The following SGMS2 variants were observed in gnomAD, a reference collection of about 807,000 sequenced individuals.
The protein encoded by SGMS2 is sphingomyelin synthase 2.
A neutral mutation model predicts 43.8 loss-of-function variants in SGMS2; 21 were observed. The observed-to-expected ratio is 0.48, with a 90% confidence interval of 0.34 to 0.69. The LOEUF is 0.69. SGMS2 is among the 30% of genes least tolerant of loss of function. The pLI, the probability that SGMS2 is intolerant of heterozygous loss-of-function variation, is 0.01. For missense variants in SGMS2, 384 were observed against 443.2 expected, an observed-to-expected ratio of 0.87 and a Z score of 1.20; for synonymous variants, 167 against 160.6, an observed-to-expected ratio of 1.04 and a Z score of -0.30.
chr4:107,850,364 T>C (rs1398074777), intron 1 of SGMS2, among the ~76,000 whole-genome samples: 1 of 152,242 alleles, frequency 6.6e-6, no homozygotes, highest in African/African-American at 2.4e-5. Flanking sequence ...TCCCTTATAC[T>C]TTTTTGTTTG....
chr4:107,890,674 CAAA>C (rs58069785), intron 2 of SGMS2, among the ~76,000 whole-genome samples: 8 of 62,822 alleles, frequency 1.3e-4, no homozygotes, highest in Admixed American at 3.6e-4. Context: ...TACTCCACCT[CAAA>C]AAAAAAAAAA....
intron 4 of SGMS2, among the ~76,000 whole-genome samples, chr4:107,901,632 T>G (rs1172411161): frequency 1.3e-5 from 2 of 152,232 alleles, no homozygotes; most frequent in Non-Finnish European, 2.9e-5. Flanking sequence ...TATCCTATGG[T>G]TCACTTTTAA....
chr4:107,908,664 A>G lies in SGMS2; in HGVS notation c.827A>G (p.Asp276Gly). 1 of 1,613,966 alleles carries G rather than the reference A, an allele frequency of 6.2e-7. No homozygotes were observed. The highest frequency in any genetic ancestry group is 1.1e-5 in the South Asian group (1 of 91,062). The change falls in exon 6 of 7, where the codon GAT becomes GGT. Residue 276 changes from aspartate to glycine, a missense_variant. By Grantham distance (94) the Asp-to-Gly change is moderately conservative (BLOSUM62 -1). Transcript: ENST00000690982. ...GTAGCACACGAACACTACACTATCG[A>G]TGTGATCATTGCTTATTATATCACA... ...ILVAHEHYTIDVIIAYYITTR... is the reference protein window; with the variant it reads ...ILVAHEHYTIGVIIAYYITTR...
chr4:107,870,647 G>A (rs1728493002), intron 2 of SGMS2, among the ~76,000 whole-genome samples: 1 of 152,048 alleles, frequency 6.6e-6, no homozygotes, highest in South Asian at 2.1e-4. Flanking sequence ...TTTTGGTTTC[G>A]TTTGGTTTGG....
intron 2 of SGMS2, among the ~76,000 whole-genome samples, chr4:107,887,488 C>A (rs773974572): frequency 6.6e-6 from 1 of 152,088 alleles, no homozygotes; most frequent in Non-Finnish European, 1.5e-5. Flanking sequence ...ACAAATACAG[C>A]CCAAAGAAAA....
At chr4:107,903,091 T>C (rs923414261) in intron 4 of SGMS2, 142 bp from the exon 5 acceptor site, 2 of 749,866 alleles carry the variant, frequency 2.7e-6, no homozygotes, top group Non-Finnish European at 4.5e-6. Flanking sequence ...GAGGAGCTTC[T>C]CCTTGGATTC....
At position 107,879,478 on chromosome 4, in the gene SGMS2, T is replaced by TC. The variant is rs1553931702; in HGVS notation, c.-244-15831dup. On this transcript the variant is annotated intron_variant, in intron 2 of 6. Coordinates refer to ENST00000690982, the MANE Select transcript of SGMS2 (RefSeq NM_001375905.1). The stretch of plus-strand genomic sequence containing the variant: ...ATCTTGATGGGCTATTTTTTTTTTT[T>TC]CGAGACCGAGTCTCACTCTGTTGCC... 2.5e-3 allele frequency among the ~76,000 whole-genome samples: 382 copies of TC among 150,014 alleles called. 1 individual carries two copies. The highest frequency in any genetic ancestry group is 0.01 in the Middle Eastern group (3 of 290).
chr4:107,909,410 C>T (rs907745725), intron 6 of SGMS2, among the ~76,000 whole-genome samples: 7 of 152,070 alleles, frequency 4.6e-5, no homozygotes, highest in African/African-American at 1.7e-4. Flanking sequence ...CGTGCCCAGC[C>T]GATAGCAGCT....
intron 1 of SGMS2, among the ~76,000 whole-genome samples, chr4:107,855,569 T>C (rs964457573): frequency 6.6e-6 from 1 of 152,202 alleles, no homozygotes; most frequent in Non-Finnish European, 1.5e-5. Flanking sequence ...ATAGTGACTT[T>C]TTTGAATTTG....
At chr4:107,847,562 T>C (rs1426638120) in intron 1 of SGMS2, among the ~76,000 whole-genome samples, 1 of 152,108 alleles carries the variant, frequency 6.6e-6, no homozygotes, top group Non-Finnish European at 1.5e-5. Flanking sequence ...CCTCCAGCTT[T>C]GTTCTTTTGG....
At chr4:107,865,811 A>G (rs983339425) in intron 2 of SGMS2, among the ~76,000 whole-genome samples, 1 of 152,130 alleles carries the variant, frequency 6.6e-6, no homozygotes, top group African/African-American at 2.4e-5. Flanking sequence ...CCCCACCCCC[A>G]TAGTCTCCTC....
intron 1 of SGMS2, among the ~76,000 whole-genome samples, chr4:107,852,021 G>A (rs1001783860): frequency 4.0e-5 from 6 of 151,400 alleles, no homozygotes; most frequent in Non-Finnish European, 8.8e-5. Flanking sequence ...GAGGTGTACC[G>A]TTTTTATCCT....
intron 1 of SGMS2, among the ~76,000 whole-genome samples, chr4:107,825,691 A>G (rs1725550386): frequency 7.0e-6 from 1 of 143,056 alleles, no homozygotes; most frequent in South Asian, 2.2e-4. Context: ...AGCTCTGGGC[A>G]GCCCACACCG....
rs1732169201 is a variant in SGMS2 at position 107,912,222 on chromosome 4, T to C, written c.*1669T>C. On this transcript the variant is annotated 3_prime_UTR_variant, in exon 7 of 7. Transcript: ENST00000690982. Reference sequence around the variant, plus strand: ...TCAGAATGGCTTTTTCTGTATGTTATAGAATAATCACTAAAGGAAAGGTAG... The same window carrying C: ...TCAGAATGGCTTTTTCTGTATGTTACAGAATAATCACTAAAGGAAAGGTAG... The C allele has an allele frequency of 6.6e-6, 1 of 152,182 alleles. No homozygotes were observed. Among genetic ancestry groups the C allele is most frequent in the South Asian group, 2.1e-4 (1 of 4,830 alleles). 9.4% of individuals were successfully genotyped at this position (152,182 alleles called of 1,614,324 possible).
chr4:107,857,293 G>A (rs936860332), intron 1 of SGMS2, among the ~76,000 whole-genome samples: 3 of 151,850 alleles, frequency 2.0e-5, no homozygotes, highest in African/African-American at 7.3e-5. Flanking sequence ...TCCACTTTGG[G>A]GCCATTATGA....
intron 1 of SGMS2, among the ~76,000 whole-genome samples, chr4:107,838,823 T>C (rs1320093801): frequency 2.0e-5 from 3 of 152,206 alleles, no homozygotes; most frequent in Admixed American, 6.5e-5. Context: ...TACTGTGTTC[T>C]CTTAGGCAGA....
In SGMS2 at chr4:107,865,285, A is replaced by G. The variant is rs972303943; in HGVS notation, c.-245+6732A>G. ...GTCTGCAACCCAGAAAAAAATACAC[A>G]ATCTGGGATTGCTAATCTTTTACGA... On this transcript the variant is annotated intron_variant, in intron 2 of 6. Coordinates refer to ENST00000690982, the MANE Select transcript of SGMS2 (RefSeq NM_001375905.1). Among the ~76,000 whole-genome samples the G allele has an allele frequency of 3.3e-5, 5 of 152,206 alleles. No homozygotes were observed. In the South Asian group the frequency reaches 1.0e-3, roughly 31 times the overall value.
intron 1 of SGMS2, among the ~76,000 whole-genome samples, chr4:107,829,343 T>C (rs1338027917): frequency 6.6e-6 from 1 of 152,224 alleles, no homozygotes; most frequent in African/African-American, 2.4e-5. Flanking sequence ...TTTCATTCAC[T>C]TTTCTATTTT....
chr4:107,874,228 C>A (rs1299067214), intron 2 of SGMS2: 1 of 152,084 alleles, frequency 6.6e-6, no homozygotes, highest in East Asian at 1.9e-4. Context: ...CAGCAGCCAC[C>A]AAAGCTTTGT....
Sources: gnomAD v4.1 joint callset for allele counts (sites outside exome capture counted in the v4.1 genomes callset) on GRCh38, gnomAD v4.1.1 for gene constraint, MANE v1.5 for transcripts, NCBI Gene and HGNC (gene_info 2026-07-23, HGNC 2026-07-21) for gene names.